The following NUP214 variants were observed in gnomAD, a reference collection of about 807,000 sequenced individuals.
NUP214 encodes nucleoporin 214.
In NUP214, 79 loss-of-function variants were observed where a neutral mutation model predicts 196.2. The ratio of observed to expected loss-of-function variants is 0.40; its 90% CI spans 0.34 to 0.49. The LOEUF (loss-of-function observed/expected upper bound fraction) is 0.49. Among genes scored for constraint, NUP214 ranks in the 20% least tolerant of loss-of-function variants. The pLI, the probability that NUP214 is intolerant of heterozygous loss-of-function variation, is 0.58. For missense variants in NUP214, 2,468 were observed against 2,539.0 expected, an observed-to-expected ratio of 0.97 and a Z score of 0.60; for synonymous variants, 1,020 against 990.5, an observed-to-expected ratio of 1.03 and a Z score of -0.56.
intron 17 of NUP214, among the ~76,000 whole-genome samples, chr9:131,155,822 C>G (rs1832419755): frequency 6.6e-6 from 1 of 152,136 alleles, no homozygotes; most frequent in Non-Finnish European, 1.5e-5. Context: ...GTTCTCTATT[C>G]TTTTCCATTG....
At chr9:131,186,515 A>C (rs1833453219) in intron 24 of NUP214, among the ~76,000 whole-genome samples, 1 of 152,236 alleles carries the variant, frequency 6.6e-6, no homozygotes, top group Non-Finnish European at 1.5e-5. Context: ...AGGTCCTACA[A>C]CTACTACTGC....
At chr9:131,211,821 G>A (rs141602172) in intron 30 of NUP214, among the ~76,000 whole-genome samples, 3,009 of 152,240 alleles carry the variant, frequency 0.02, 43 homozygotes, top group Non-Finnish European at 0.029. Context: ...ACCCTGTGAT[G>A]ATTGCATTAT....
intron 33 of NUP214, chr9:131,230,360 C>T (rs537408580): frequency 1.3e-5 from 6 of 457,824 alleles, no homozygotes; most frequent in Admixed American, 3.6e-5. Context: ...TTCCCAAATG[C>T]CCTGGTGTTC....
At position 131,146,796 on chromosome 9, in the gene NUP214, G is replaced by T. The variant is rs1564184362; in HGVS notation, c.1945+492G>T. Among the ~76,000 whole-genome samples the T allele has an allele frequency of 2.0e-5, 3 of 152,054 alleles. No individual in the cohort carries two copies. The highest frequency in any genetic ancestry group is 7.2e-5 in the African/African-American group (3 of 41,420). On this transcript the variant is annotated intron_variant, in intron 13 of 35. Coordinates refer to ENST00000359428, the MANE Select transcript of NUP214 (RefSeq NM_005085.4). This position sits in a 1 kb window ranked among gnomAD's most constrained non-coding sequence, Gnocchi z 4.6. ...AATACAAAAATTAGCCAGGTGTGGT[G>T]GTGGGTGCCTGTAATCCCAGCTACT...
intron 12 of NUP214, among the ~76,000 whole-genome samples, chr9:131,145,738 C>T (rs942430305): frequency 6.6e-6 from 1 of 152,200 alleles, no homozygotes; most frequent in South Asian, 2.1e-4. Flanking sequence ...TGCTCACTCT[C>T]AAAACGAGTT....
intron 4 of NUP214, 131 bp downstream of exon 4, chr9:131,129,608 G>A (rs1054310549): frequency 2.3e-6 from 2 of 852,476 alleles, no homozygotes; most frequent in African/African-American, 1.7e-5. Flanking sequence ...GGTTAAGGAT[G>A]GAAGGTATTC....
intron 30 of NUP214, among the ~76,000 whole-genome samples, chr9:131,201,923 T>C (rs1833952243): frequency 6.6e-6 from 1 of 152,234 alleles, no homozygotes; most frequent in Non-Finnish European, 1.5e-5. Context: ...TTGATCCTCC[T>C]TCCACAGTCT....
rs777459635 is a variant in NUP214 at position 131,146,081 on chromosome 9, G to T, written c.1770-48G>T. On this transcript the variant is annotated intron_variant, in intron 12 of 35. Coordinates refer to ENST00000359428, the MANE Select transcript of NUP214 (RefSeq NM_005085.4). This position sits in a 1 kb window ranked among gnomAD's most constrained non-coding sequence, Gnocchi z 4.6. Reference sequence around the variant, plus strand: ...TGACATTGCTCATGCTAGTGTAAAAGAATCTTCTAGCAGGCTCTTCTGAGG... The same window carrying T: ...TGACATTGCTCATGCTAGTGTAAAATAATCTTCTAGCAGGCTCTTCTGAGG... The T allele has an allele frequency of 6.4e-7, 1 of 1,553,788 alleles. No homozygotes were observed. Among genetic ancestry groups the T allele is most frequent in the Non-Finnish European group, 8.9e-7 (1 of 1,127,682 alleles).
intron 24 of NUP214, 63 bp downstream of exon 24, chr9:131,178,473 G>A (rs1384248470): frequency 6.2e-6 from 7 of 1,128,394 alleles, no homozygotes; most frequent in Non-Finnish European, 9.3e-6. Context: ...TGGACTGCCT[G>A]CAGGGAGCAG....
intron 17 of NUP214, 94 bp from the exon 18 acceptor site, chr9:131,159,289 A>G (rs183959301): frequency 1.3e-6 from 1 of 782,266 alleles, no homozygotes; most frequent in East Asian, 2.7e-5. Context: ...TTCTTAATAT[A>G]GAAGTATTTT....
intron 32 of NUP214, among the ~76,000 whole-genome samples, chr9:131,223,980 C>T (rs997914542): frequency 2.0e-5 from 3 of 150,746 alleles, no homozygotes; most frequent in Admixed American, 6.6e-5. Context: ...GTGATCCGCC[C>T]GCCTCGGCCT....
rs1588133751 is a variant in NUP214, at chr9:131,150,817, T to C, written c.2277+52T>C. 3.2e-6 allele frequency: 5 copies of C among 1,542,672 alleles called. No homozygotes were observed. In the East Asian group the frequency reaches 1.1e-4, roughly 35 times the overall value. ...AGTTGAATTGCATTTAACAATTTTT[T>C]TCTCCTAGTACTCCATGGGGTTATG... On this transcript the variant is annotated intron_variant, in intron 16 of 35. Coordinates refer to ENST00000359428, the MANE Select transcript of NUP214 (RefSeq NM_005085.4).
chr9:131,221,061 G>C (rs1316524287), intron 31 of NUP214, among the ~76,000 whole-genome samples: 2 of 152,212 alleles, frequency 1.3e-5, no homozygotes, highest in African/African-American at 2.4e-5. Flanking sequence ...GAAATACCAA[G>C]TAAACGGAAT....
chr9:131,171,699 C>T (rs1397840143), intron 21 of NUP214, among the ~76,000 whole-genome samples: 1 of 152,064 alleles, frequency 6.6e-6, no homozygotes, highest in Non-Finnish European at 1.5e-5. Flanking sequence ...GCTATCCCTC[C>T]CTCCTCCCCG....
At position 131,135,993 on chromosome 9, in the gene NUP214, G is replaced by A. The variant is rs768511230; in HGVS notation, c.992G>A (p.Arg331Gln). ...AASTEVSILA[R>Q]QSDQINWESW... ...TCAACAGAAGTTAGTATCCTTGCTC[G>A]ACAAAGTGATCAGGTAAATCTCTTT... The change falls in exon 9 of 36, where the codon CGA (arginine) becomes CAA (glutamine). Residue 331 changes from arginine to glutamine, a missense_variant. Physicochemically the swap from Arg to Gln is conservative, Grantham distance 43. Transcript: ENST00000359428. 15 of 1,612,876 alleles carry A rather than the reference G, an allele frequency of 9.3e-6. No individual in the cohort carries two copies. The highest frequency in any genetic ancestry group is 1.3e-5 in the African/African-American group (1 of 74,902).
intron 25 of NUP214, 53 bp downstream of exon 25, chr9:131,187,417 T>TA (rs2131024076): frequency 2.2e-6 from 3 of 1,343,418 alleles, no homozygotes; most frequent in East Asian, 2.4e-5. Flanking sequence ...GACAGAGTCT[T>TA]ACTCTGTCGC....
chr9:131,197,101 C>T, intron 28 of NUP214, 115 bp from the exon 29 acceptor site: 6 of 1,431,110 alleles, frequency 4.2e-6, no homozygotes, highest in Non-Finnish European at 5.7e-6. Flanking sequence ...GAACAAGGCA[C>T]CCTGACTCTG....
Position 131,146,236 on chromosome 9 carries a change from A to C in NUP214, c.1877A>C (p.His626Pro). The change falls in exon 13 of 36, where the codon CAC (histidine) becomes CCC (proline). Residue 626 changes from histidine (H) to proline (P), a missense_variant. Physicochemically the swap from His to Pro is moderately conservative, Grantham distance 77 (BLOSUM62 -2). Coordinates refer to ENST00000359428, the MANE Select transcript of NUP214 (RefSeq NM_005085.4). This position sits in a 1 kb window ranked among gnomAD's most constrained non-coding sequence, Gnocchi z 4.6. Reference protein sequence around the residue: ...SKPAASGPLSHPTPLSAPPSS... With the variant: ...SKPAASGPLSPPTPLSAPPSS... ...CCAGCTGCTTCTGGACCACTCAGCC[A>C]CCCCACACCTCTCTCAGCACCACCT... is the stretch of plus-strand genomic sequence containing the variant. The C allele has an allele frequency of 1.2e-6, 2 of 1,613,914 alleles. No homozygotes were observed. The highest frequency in any genetic ancestry group is 2.2e-5 in the South Asian group (2 of 91,068).
At chr9:131,127,263 A>G (rs956461267) in intron 1 of NUP214, among the ~76,000 whole-genome samples, 1 of 152,128 alleles carries the variant, frequency 6.6e-6, no homozygotes, top group African/African-American at 2.4e-5. Context: ...GGTGCCTGTA[A>G]TCCCAGCTAC....
Sources: allele counts gnomAD v4.1 joint callset (sites outside exome capture counted in the v4.1 genomes callset), GRCh38; gene constraint gnomAD v4.1.1; non-coding constraint Gnocchi (gnomAD v3.1); transcripts MANE v1.5; gene names NCBI Gene and HGNC (gene_info 2026-07-23, HGNC 2026-07-21).